Variants in EVI5 observed in about 807,000 individuals in gnomAD.
EVI5 encodes ecotropic viral integration site 5.
Under a neutral mutation model 112.0 loss-of-function variants are expected in EVI5, and 73 were observed. The observed-to-expected ratio is 0.65, with a 90% CI of 0.54 to 0.79. The LOEUF is 0.79. EVI5 is among the 30% of genes least tolerant of loss of function. The pLI, the probability that EVI5 is intolerant of heterozygous loss-of-function variation, is 0.00. For missense variants in EVI5, 900 were observed against 968.8 expected, an observed-to-expected ratio of 0.93 and a Z score of 0.94; for synonymous variants, 305 against 319.9, an observed-to-expected ratio of 0.95 and a Z score of 0.50.
chr1:92,596,088 G>A (rs1276315520), intron 18 of EVI5, among the ~76,000 whole-genome samples: 1 of 152,064 alleles, frequency 6.6e-6, no homozygotes, highest in African/African-American at 2.4e-5. Flanking sequence ...TGGGCTTGGT[G>A]GCTCATGTCT....
At chr1:92,654,046 T>G (rs1270382667) in intron 13 of EVI5, among the ~76,000 whole-genome samples, 2 of 151,894 alleles carry the variant, frequency 1.3e-5, no homozygotes, top group Non-Finnish European at 2.9e-5. Context: ...CTGCTTGTGC[T>G]CATCATTGGG....
chr1:92,641,868 G>A (rs1344416090), intron 13 of EVI5, among the ~76,000 whole-genome samples: 2 of 152,128 alleles, frequency 1.3e-5, no homozygotes, highest in Non-Finnish European at 2.9e-5. Flanking sequence ...GGTGGTGCAC[G>A]GTGGCTCACG....
Position 92,767,181 on chromosome 1 carries a change from C to G in EVI5, c.-82+17655G>C, listed in dbSNP as rs182902446. On this transcript the variant is annotated intron_variant, in intron 1 of 19. Transcript: ENST00000684568. Reference sequence around the variant, plus strand: ...TGAACCATCACTTTGCCCAGTGTATCCATACTGTATATGCTATCCGCCTGT... The same window carrying G: ...TGAACCATCACTTTGCCCAGTGTATGCATACTGTATATGCTATCCGCCTGT... Among the ~76,000 whole-genome samples the G allele has an allele frequency of 1.8e-3, 267 of 152,092 alleles. 1 individual carries two copies. Among genetic ancestry groups the G allele is most frequent in the Non-Finnish European group, 3.1e-3 (213 of 68,020 alleles).
chr1:92,670,289 C>A (rs1296018867), intron 10 of EVI5, among the ~76,000 whole-genome samples: 1 of 152,058 alleles, frequency 6.6e-6, no homozygotes, highest in African/African-American at 2.4e-5. Context: ...TTTCAAATAA[C>A]CCACTCTTCA....
chr1:92,579,324 A>G (rs1031666751), intron 18 of EVI5, among the ~76,000 whole-genome samples: 6 of 152,206 alleles, frequency 3.9e-5, no homozygotes, highest in African/African-American at 1.2e-4. Context: ...TGATCAGACT[A>G]TTAGTGTATT....
chr1:92,555,865 AAAG>A (rs1311537082), intron 19 of EVI5, among the ~76,000 whole-genome samples: 3 of 151,450 alleles, frequency 2.0e-5, no homozygotes, highest in African/African-American at 7.3e-5. Flanking sequence ...AAAAAAAAAA[AAAG>A]GAATAAGCAT....
chr1:92,653,206 A>G (rs192547650), intron 13 of EVI5, among the ~76,000 whole-genome samples: 66 of 152,332 alleles, frequency 4.3e-4, no homozygotes, highest in Admixed American at 2.5e-3. Flanking sequence ...CCACATCACC[A>G]GAGCCCCATA....
At chr1:92,576,410 A>G (rs183094171) in intron 18 of EVI5, among the ~76,000 whole-genome samples, 1 of 152,300 alleles carries the variant, frequency 6.6e-6, no homozygotes, top group East Asian at 1.9e-4. Flanking sequence ...TAACCTATAG[A>G]TTTAACCTTT....
At chr1:92,770,109 C>T (rs1683164443) in intron 1 of EVI5, among the ~76,000 whole-genome samples, 1 of 152,128 alleles carries the variant, frequency 6.6e-6, no homozygotes, top group Non-Finnish European at 1.5e-5. Context: ...AGAAGATTCT[C>T]CCCCAGAGCC....
At chr1:92,785,646 C>T (rs893434528), upstream of EVI5, among the ~76,000 whole-genome samples, 1 of 152,198 alleles carries the variant, frequency 6.6e-6, no homozygotes, top group Admixed American at 6.5e-5. Flanking sequence ...AAGATTCAGC[C>T]GGGCAGCCCT....
At chr1:92,701,327 A>G (rs1671120147) in intron 5 of EVI5, among the ~76,000 whole-genome samples, 1 of 152,214 alleles carries the variant, frequency 6.6e-6, no homozygotes, top group Non-Finnish European at 1.5e-5. Context: ...GCTTCTACAT[A>G]CATTACCTCA....
At chr1:92,561,062 A>G (rs1299622735) in intron 19 of EVI5, among the ~76,000 whole-genome samples, 2 of 152,156 alleles carry the variant, frequency 1.3e-5, no homozygotes, top group Non-Finnish European at 1.5e-5. Context: ...TTTTCATCAC[A>G]TAGACACTCT....
At chr1:92,537,798 T>C (rs1318525057) in intron 19 of EVI5, among the ~76,000 whole-genome samples, 2 of 150,320 alleles carry the variant, frequency 1.3e-5, no homozygotes, top group African/African-American at 4.9e-5. Context: ...AAAAAAAAAC[T>C]AAAAAAAATT....
intron 6 of EVI5, among the ~76,000 whole-genome samples, chr1:92,697,124 G>A (rs1334083670): frequency 6.6e-6 from 1 of 152,006 alleles, no homozygotes; most frequent in Non-Finnish European, 1.5e-5. Context: ...GGGAAAAACT[G>A]GAGTTTATAA....
chr1:92,722,174 C>A (rs1309954021), intron 2 of EVI5, among the ~76,000 whole-genome samples: 1 of 152,062 alleles, frequency 6.6e-6, no homozygotes. Context: ...GGTAAGAACA[C>A]AAAAGCTACT....
chr1:92,595,561 A>G (rs1303354358), intron 18 of EVI5, among the ~76,000 whole-genome samples: 1 of 152,224 alleles, frequency 6.6e-6, no homozygotes, highest in East Asian at 1.9e-4. Context: ...AACTTAAAGT[A>G]TAATAATAAA....
intron 1 of EVI5, among the ~76,000 whole-genome samples, chr1:92,761,688 C>T (rs1257475778): frequency 1.3e-5 from 2 of 152,142 alleles, no homozygotes; most frequent in Non-Finnish European, 2.9e-5. Context: ...CCAGGTTGGT[C>T]TCAAACTCCT....
At chr1:92,589,241 CT>C (rs2101213492) in intron 18 of EVI5, among the ~76,000 whole-genome samples, 2 of 152,308 alleles carry the variant, frequency 1.3e-5, no homozygotes, top group Middle Eastern at 3.4e-3. Flanking sequence ...CTGCGTTCAT[CT>C]CACTGGGGAT....
At chr1:92,761,668 G>A (rs146441813) in intron 1 of EVI5, among the ~76,000 whole-genome samples, 183 of 152,150 alleles carry the variant, frequency 1.2e-3, no homozygotes, top group African/African-American at 4.1e-3. Flanking sequence ...ATGGTGTCTT[G>A]CTATATTGCC....
Sources: allele counts gnomAD v4.1 joint callset (sites outside exome capture counted in the v4.1 genomes callset), GRCh38; gene constraint gnomAD v4.1.1; transcripts MANE v1.5; gene names NCBI Gene and HGNC (gene_info 2026-07-23, HGNC 2026-07-21).